The following NELFB variants were observed in gnomAD, a reference collection of about 807,000 sequenced individuals.
The protein encoded by NELFB is negative elongation factor B.
NELFB carries 34 observed loss-of-function variants against 60.2 expected under a neutral mutation model. That is an observed-to-expected ratio of 0.56 (90% confidence interval 0.43 to 0.75). The LOEUF (loss-of-function observed/expected upper bound fraction) is 0.75. Among genes scored for constraint, NELFB ranks in the 30% least tolerant of loss-of-function variants. The probability of loss-of-function intolerance (pLI) is 0.00; values close to 1 mark genes in which losing one functional copy is unlikely to be tolerated. For missense variants in NELFB, 770 were observed against 831.6 expected, an observed-to-expected ratio of 0.93 and a Z score of 0.91; for synonymous variants, 459 against 382.1, an observed-to-expected ratio of 1.20 and a Z score of -2.35.
intron 8 of NELFB, 46 bp downstream of exon 8, chr9:137,266,472 T>C: frequency 6.4e-7 from 1 of 1,557,940 alleles, no homozygotes. Flanking sequence ...CGAGGGGTTG[T>C]GGGCTGGAAG....
chr9:137,257,137 T>C, intron 4 of NELFB, 83 bp downstream of exon 4: 2 of 1,195,002 alleles, frequency 1.7e-6, no homozygotes, highest in Non-Finnish European at 1.2e-6. Flanking sequence ...GGATCAGCAC[T>C]CTGCTGCCCT....
At chr9:137,258,199 C>G (rs1389304891) in intron 4 of NELFB, among the ~76,000 whole-genome samples, 1 of 147,646 alleles carries the variant, frequency 6.8e-6, no homozygotes, top group Non-Finnish European at 1.5e-5. Flanking sequence ...TCGTGGCTCA[C>G]TGCAGCCTCG....
At chr9:137,256,776 AC>A (rs767070811) in intron 3 of NELFB, 47 bp from the exon 4 acceptor site, 24 of 1,579,948 alleles carry the variant, frequency 1.5e-5, no homozygotes. Context: ...CTTGAAGGAG[AC>A]CCAGGGACAC....
Position 137,269,739 on chromosome 9 carries a change from C to G in NELFB, c.1490-2342C>G, listed in dbSNP as rs925870141. Among the ~76,000 whole-genome samples, 4 of 152,188 alleles carry G rather than the reference C, an allele frequency of 2.6e-5. No homozygotes were observed. The highest frequency in any genetic ancestry group is 5.9e-5 in the Non-Finnish European group (4 of 68,034). ...GATTTGTGTCAGTCACTGTGGAGTT[C>G]GCACAATGACAGACTCACCTGGGAG... On this transcript the variant is annotated intron_variant, in intron 10 of 12. Transcript: ENST00000343053. The surrounding 1 kb of genome is among the most constrained non-coding windows in gnomAD (Gnocchi z 5.3).
At chr9:137,255,778 G>T (rs1445840504) in intron 1 of NELFB, 129 bp from the exon 2 acceptor site, 26 of 1,507,860 alleles carry the variant, frequency 1.7e-5, no homozygotes, top group Middle Eastern at 2.2e-4. Context: ...ACGGCTGGGT[G>T]GCTTTCGGTG....
Position 137,272,843 on chromosome 9 carries a change from A to G in NELFB, c.1802A>G (p.His601Arg). Residue 601 changes from histidine to arginine, a missense_variant, in exon 13 of 13, where the codon CAC becomes CGC. His to Arg is a conservative substitution (Grantham distance 29). Coordinates refer to ENST00000343053, the MANE Select transcript of NELFB (RefSeq NM_015456.5). ...GGCGAGAAGCTGGAACAGCTGGATCACCGGAAGCCCAGCCCGGCACAGGCT... is the reference window on the plus strand; with the variant it reads ...GGCGAGAAGCTGGAACAGCTGGATCGCCGGAAGCCCAGCCCGGCACAGGCT... 1.3e-6 allele frequency: 2 copies of G among 1,549,842 alleles called. No homozygotes were observed.
chr9:137,262,895 A>G (rs1830466940), intron 4 of NELFB, 142 bp from the exon 5 acceptor site: 2 of 782,766 alleles, frequency 2.6e-6, no homozygotes, highest in Non-Finnish European at 4.0e-6. Context: ...GCCAATATTT[A>G]ATGAGAGGAG....
chr9:137,260,808 C>T (rs1830430144), intron 4 of NELFB, among the ~76,000 whole-genome samples: 1 of 152,028 alleles, frequency 6.6e-6, no homozygotes, highest in South Asian at 2.1e-4. Context: ...CGCCTGTAAT[C>T]CCAGCACTTT....
chr9:137,266,824 AG>A (rs1830523095), intron 8 of NELFB, 119 bp from the exon 9 acceptor site: 3 of 1,078,218 alleles, frequency 2.8e-6, no homozygotes, highest in Non-Finnish European at 3.8e-6. Context: ...CCTGGAGAGG[AG>A]GGAGGGTCGG....
intron 4 of NELFB, among the ~76,000 whole-genome samples, chr9:137,262,280 A>G (rs914954029): frequency 6.6e-6 from 1 of 152,172 alleles, no homozygotes; most frequent in Non-Finnish European, 1.5e-5. Flanking sequence ...CTGTCTGCTA[A>G]GTAGCGGGTG....
At position 137,256,086 on chromosome 9, in the gene NELFB, G is replaced by A; in HGVS notation, c.410+16G>A. ...CTGAGGAAAGGTGGGTCAGCGGGAG[G>A]GGTGGGCAGGTGAGATGTGCAGCCG... On this transcript the variant is annotated intron_variant, in intron 2 of 12. Transcript: ENST00000343053. 3 of 1,610,206 alleles carry A rather than the reference G, an allele frequency of 1.9e-6. No homozygotes were observed. Among genetic ancestry groups the A allele is most frequent in the Non-Finnish European group, 2.5e-6 (3 of 1,177,398 alleles).
chr9:137,262,829 C>CA (rs1830466089), intron 4 of NELFB, among the ~76,000 whole-genome samples: 1 of 151,838 alleles, frequency 6.6e-6, no homozygotes, highest in Non-Finnish European at 1.5e-5. Flanking sequence ...GGCCTTGTCT[C>CA]AAAAAAAGTA....
Position 137,255,470 on chromosome 9 carries a change from G to A in NELFB, c.105G>A (p.Gly35=). The change falls in exon 1 of 13, where the codon GGG becomes GGA. Residue 35 remains glycine (G), a synonymous_variant. Transcript: ENST00000343053. ...CGGCGGCGCCGGGGGAACGGGCTGG[G>A]GATGGGGCGCCTAGCCGGGCGGTGG... is the stretch of plus-strand genomic sequence containing the variant. The A allele has an allele frequency of 6.6e-7, 1 of 1,513,296 alleles. No individual in the cohort carries two copies. The highest frequency in any genetic ancestry group is 8.9e-7 in the Non-Finnish European group (1 of 1,129,688). 93.7% of individuals were successfully genotyped at this position (1,513,296 alleles called of 1,614,324 possible).
At chr9:137,258,449 A>ATT (rs535031200) in intron 4 of NELFB, among the ~76,000 whole-genome samples, 30 of 129,394 alleles carry the variant, frequency 2.3e-4, no homozygotes, top group East Asian at 4.5e-4. Context: ...TAATTAGCCA[A>ATT]TTTTTTTTTT....
chr9:137,258,316 G>GT (rs1837590139), intron 4 of NELFB, among the ~76,000 whole-genome samples: 1 of 151,350 alleles, frequency 6.6e-6, no homozygotes, highest in South Asian at 2.1e-4. Flanking sequence ...CAGAGTTGGT[G>GT]TTTCGCTGTG....
At chr9:137,256,742 C>CGGG in intron 3 of NELFB, 82 bp from the exon 4 acceptor site, 1 of 1,342,386 alleles carries the variant, frequency 7.4e-7, no homozygotes, top group East Asian at 2.4e-5. Flanking sequence ...GTGGTCTCTG[C>CGGG]GGGGCTGAGG....
Position 137,263,094 on chromosome 9 carries a change from C to T in NELFB, c.799C>T (p.Leu267=). 2.5e-6 allele frequency: 4 copies of T among 1,614,158 alleles called. No individual in the cohort carries two copies. Among genetic ancestry groups the T allele is most frequent in the Non-Finnish European group, 3.4e-6 (4 of 1,180,002 alleles). Residue 267 remains leucine, a synonymous_variant, in exon 5 of 13, where the codon CTG becomes TTG. Coordinates refer to ENST00000343053, the MANE Select transcript of NELFB (RefSeq NM_015456.5). Reference sequence around the variant, plus strand: ...GAACGTGAAGCTGTACGACATGGTGCTGCAGTTTCTGCGCACGCTCTTCCT... The same window carrying T: ...GAACGTGAAGCTGTACGACATGGTGTTGCAGTTTCTGCGCACGCTCTTCCT...
intron 10 of NELFB, among the ~76,000 whole-genome samples, chr9:137,267,911 C>T (rs953483311): frequency 2.0e-5 from 3 of 152,266 alleles, no homozygotes; most frequent in South Asian, 4.2e-4. Flanking sequence ...TCCTAACTGG[C>T]GAGGGGCTTG....
chr9:137,257,489 AT>A (rs1387516863), intron 4 of NELFB, among the ~76,000 whole-genome samples: 1 of 130,314 alleles, frequency 7.7e-6, no homozygotes, highest in Non-Finnish European at 1.6e-5. Flanking sequence ...TGCCTGGCTA[AT>A]TTTTTTTCTT....
Sources: gnomAD v4.1 joint callset for allele counts (sites outside exome capture counted in the v4.1 genomes callset) on GRCh38, gnomAD v4.1.1 for gene constraint, Gnocchi (gnomAD v3.1) non-coding constraint, MANE v1.5 for transcripts, NCBI Gene and HGNC (gene_info 2026-07-23, HGNC 2026-07-21) for gene names.